Variants in MYO18B observed in about 807,000 individuals in gnomAD.
MYO18B encodes the protein myosin XVIIIB.
A neutral mutation model predicts 273.0 loss-of-function variants in MYO18B; 204 were observed. The observed-to-expected ratio is 0.75, with a 90% CI of 0.67 to 0.84. The LOEUF is 0.84. Among genes scored for constraint, MYO18B ranks in the 40% least tolerant of loss-of-function variants. The pLI, the probability that MYO18B is intolerant of heterozygous loss-of-function variation, is 0.00. For missense variants in MYO18B, 3,212 were observed against 3,287.6 expected, an observed-to-expected ratio of 0.98 and a Z score of 0.56; for synonymous variants, 1,330 against 1,305.7, an observed-to-expected ratio of 1.02 and a Z score of -0.40.
At chr22:26,044,113 T>G in the MYO18B span, among the ~76,000 whole-genome samples, 19 of 152,382 alleles carry the variant, frequency 1.2e-4, no homozygotes, top group Admixed American at 1.2e-3. Context: ...TTTCAAGAAC[T>G]TATTGGCCAT....
At chr22:25,893,111 TA>T (rs1388808338) in intron 27 of MYO18B, among the ~76,000 whole-genome samples, 2 of 152,238 alleles carry the variant, frequency 1.3e-5, no homozygotes, top group Non-Finnish European at 2.9e-5. Flanking sequence ...AGAAAATGTC[TA>T]AAATATAGGA....
intron 12 of MYO18B, among the ~76,000 whole-genome samples, chr22:25,806,432 T>C (rs5761230): frequency 1.3e-5 from 2 of 152,118 alleles, no homozygotes; most frequent in South Asian, 4.1e-4. Context: ...CCTGCTCTTG[T>C]GGTGGCAATG....
At chr22:25,863,373 A>G (rs1014759477) in intron 21 of MYO18B, among the ~76,000 whole-genome samples, 2 of 152,122 alleles carry the variant, frequency 1.3e-5, no homozygotes, top group African/African-American at 4.8e-5. Flanking sequence ...TTGGATCATA[A>G]TTTTACGTTT....
chr22:26,057,327 T>A, the MYO18B span, among the ~76,000 whole-genome samples: 3 of 152,186 alleles, frequency 2.0e-5, no homozygotes, highest in Non-Finnish European at 2.9e-5. Context: ...AAAATAATCA[T>A]AATATCAATA....
chr22:25,991,458 C>T lies in MYO18B; in HGVS notation c.6157-905C>T, dbSNP rs56875762. On this transcript the variant is annotated intron_variant, in intron 39 of 43. Coordinates refer to ENST00000335473, the MANE Select transcript of MYO18B (RefSeq NM_032608.7). Reference sequence around the variant, plus strand: ...CTGCCAAAAATGTCTCCAGACATGACCAAATGTCCCCTGGGGGGCAAAATC... The same window carrying T: ...CTGCCAAAAATGTCTCCAGACATGATCAAATGTCCCCTGGGGGGCAAAATC... 1.4e-3 allele frequency among the ~76,000 whole-genome samples: 210 copies of T among 152,310 alleles called. 4 individuals carry two copies. In the South Asian group the frequency reaches 0.025, roughly 18 times the overall value.
intron 42 of MYO18B, among the ~76,000 whole-genome samples, chr22:26,018,273 T>A (rs1350782847): frequency 6.6e-6 from 1 of 152,102 alleles, no homozygotes; most frequent in East Asian, 1.9e-4. Flanking sequence ...TTGTAAGGAA[T>A]GTAGGATATT....
At chr22:25,859,696 C>A (rs868720298) in intron 21 of MYO18B, among the ~76,000 whole-genome samples, 29 of 151,504 alleles carry the variant, frequency 1.9e-4, no homozygotes, top group Middle Eastern at 3.4e-3. Context: ...ATTTTTTTTG[C>A]CCATTTTAAT....
In MYO18B at chr22:25,958,594, G is replaced by A. The variant is rs536221629; in HGVS notation, c.6156+3230G>A. 7.8e-4 allele frequency among the ~76,000 whole-genome samples: 118 copies of A among 152,242 alleles called. 1 individual carries two copies. In the South Asian group the frequency reaches 0.023, roughly 29 times the overall value. ...AACACCAGCTATGAGCATGGCACAG[G>A]GATAGGCACTGGTGAGGAAGGGCAA... On this transcript the variant is annotated intron_variant, in intron 39 of 43. Coordinates refer to ENST00000335473, the MANE Select transcript of MYO18B (RefSeq NM_032608.7).
In MYO18B at chr22:25,832,975, T is replaced by G; in HGVS notation, c.3038T>G (p.Val1013Gly). ...CCCTCCCCAGGGACCACCGTGGCTG[T>G]TGTGGATCAAAATCCCTCTCAGGTA... ...PDPSPGTTVAVVDQNPSQVRL... is the reference protein window; with the variant it reads ...PDPSPGTTVAGVDQNPSQVRL... The change falls in exon 16 of 44, where the codon GTT (valine) becomes GGT (glycine). Residue 1013 changes from valine to glycine, a missense_variant. Physicochemically the swap from Val to Gly is moderately radical, Grantham distance 109. Coordinates refer to ENST00000335473, the MANE Select transcript of MYO18B (RefSeq NM_032608.7). 1 of 1,613,886 alleles carries G rather than the reference T, an allele frequency of 6.2e-7. No individual in the cohort carries two copies. Among genetic ancestry groups the G allele is most frequent in the Non-Finnish European group, 8.5e-7 (1 of 1,179,840 alleles).
At position 25,876,340 on chromosome 22, in the gene MYO18B, T is replaced by A. The variant is rs766949688; in HGVS notation, c.4224+8T>A. 1 of 1,603,958 alleles carries A rather than the reference T, an allele frequency of 6.2e-7. No homozygotes were observed. The highest frequency in any genetic ancestry group is 8.5e-7 in the Non-Finnish European group (1 of 1,173,484). On this transcript the variant is annotated splice_region_variant and intron_variant, in intron 24 of 43. Transcript: ENST00000335473. ...CAGCTCCGAGCCAAGGAGGTCAGTC[T>A]ATGTGGCAGGCAGGGTGCTGGGTGG...
intron 34 of MYO18B, among the ~76,000 whole-genome samples, chr22:25,939,492 C>G (rs977386081): frequency 1.3e-5 from 2 of 152,166 alleles, no homozygotes; most frequent in African/African-American, 4.8e-5. Flanking sequence ...TTCATAGTCT[C>G]AGCAAAAATC....
At chr22:25,779,192 C>G (rs1052861091) in intron 8 of MYO18B, among the ~76,000 whole-genome samples, 2 of 152,066 alleles carry the variant, frequency 1.3e-5, no homozygotes, top group Non-Finnish European at 2.9e-5. Flanking sequence ...ATATCCTCCC[C>G]ACTGAGAATA....
intron 7 of MYO18B, 80 bp downstream of exon 7, chr22:25,772,590 C>T (rs1342536485): frequency 1.9e-5 from 27 of 1,400,528 alleles, no homozygotes; most frequent in Admixed American, 4.8e-5. Flanking sequence ...TCTGAGGTGA[C>T]AGTAGAACCA....
intron 12 of MYO18B, among the ~76,000 whole-genome samples, chr22:25,818,906 A>T (rs1045821614): frequency 6.6e-6 from 1 of 152,138 alleles, no homozygotes; most frequent in African/African-American, 2.4e-5. Context: ...ACTGAGTCTC[A>T]AAAAGGCCGT....
chr22:25,967,365 T>C (rs1205646431), intron 39 of MYO18B, among the ~76,000 whole-genome samples: 1 of 152,350 alleles, frequency 6.6e-6, no homozygotes, highest in South Asian at 2.1e-4. Context: ...GAAAGCTTGA[T>C]CATTGTTACG....
At chr22:25,850,078 T>C (rs1193073293) in intron 20 of MYO18B, among the ~76,000 whole-genome samples, 1 of 152,332 alleles carries the variant, frequency 6.6e-6, no homozygotes, top group East Asian at 1.9e-4. Flanking sequence ...ATCTCTGTGC[T>C]GTCTGCATCC....
At chr22:26,061,600 C>G in the MYO18B span, among the ~76,000 whole-genome samples, 1 of 151,954 alleles carries the variant, frequency 6.6e-6, no homozygotes, top group African/African-American at 2.4e-5. Context: ...GTGGCACTAT[C>G]ATAGCTCTCA....
chr22:25,912,063 T>C (rs2092169089), intron 33 of MYO18B, among the ~76,000 whole-genome samples: 1 of 152,254 alleles, frequency 6.6e-6, no homozygotes. Context: ...ATTAACTTTA[T>C]TCACAAAACA....
chr22:25,780,308 A>T (rs1332646392), intron 9 of MYO18B, 110 bp downstream of exon 9: 10 of 1,339,524 alleles, frequency 7.5e-6, no homozygotes, highest in Non-Finnish European at 1.0e-5. Context: ...TGTGTCTGAA[A>T]TGGTCATGGC....
Sources: gnomAD v4.1 joint callset for allele counts (sites outside exome capture counted in the v4.1 genomes callset) on GRCh38, gnomAD v4.1.1 for gene constraint, MANE v1.5 for transcripts, NCBI Gene and HGNC (gene_info 2026-07-23, HGNC 2026-07-21) for gene names.